ZMIZ1: variants seen among roughly 807,000 people sequenced by gnomAD.
ZMIZ1 encodes zinc finger MIZ-type containing 1.
ZMIZ1 carries 17 observed loss-of-function variants against 113.9 expected under a neutral mutation model. The ratio of observed to expected loss-of-function variants is 0.15; its 90% CI spans 0.10 to 0.22. The LOEUF is 0.22. ZMIZ1 is among the 10% of genes least tolerant of loss of function. ZMIZ1 has a pLI of 1.00. For synonymous variants in ZMIZ1, 607 were observed against 603.1 expected (o/e 1.01, Z -0.09); for missense variants, 1,059 against 1,477.8 (o/e 0.72, Z 4.65).
In ZMIZ1 at chr10:79,305,208, G is replaced by A; in HGVS notation, c.2331G>A (p.Gly777=). 3.7e-6 allele frequency: 6 copies of A among 1,614,158 alleles called. No homozygotes were observed. Among genetic ancestry groups the A allele is most frequent in the Non-Finnish European group, 5.1e-6 (6 of 1,180,022 alleles). ...ACCTGCAGCTGAATTGCGAGAGAGGGACCTGGAGGTGTCCTGTGTGCAAGT... is the reference window on the plus strand; with the variant it reads ...ACCTGCAGCTGAATTGCGAGAGAGGAACCTGGAGGTGTCCTGTGTGCAAGT... The part of the protein sequence containing the change: ...ESYLQLNCER[G]TWRCPVCNKT... Residue 777 remains glycine, a synonymous_variant, in exon 20 of 25, where the codon GGG becomes GGA. Coordinates refer to ENST00000334512, the MANE Select transcript of ZMIZ1 (RefSeq NM_020338.4).
intron 4 of ZMIZ1, among the ~76,000 whole-genome samples, chr10:79,194,867 G>A (rs1320384192): frequency 6.6e-6 from 1 of 152,220 alleles, no homozygotes; most frequent in Non-Finnish European, 1.5e-5. Context: ...GCTCTGCTGG[G>A]TGGTGAGAAG....
rs955807066 is a variant in ZMIZ1 at position 79,312,765 on chromosome 10, G to A, written c.*16G>A. 2 of 1,611,700 alleles carry A rather than the reference G, an allele frequency of 1.2e-6. No individual in the cohort carries two copies. Among genetic ancestry groups the A allele is most frequent in the East Asian group, 4.5e-5 (2 of 44,870 alleles). On this transcript the variant is annotated 3_prime_UTR_variant, in exon 25 of 25. Coordinates refer to ENST00000334512, the MANE Select transcript of ZMIZ1 (RefSeq NM_020338.4). Reference sequence around the variant, plus strand: ...GAACAACTGAGGGCCACCCGGTCGGGGCCATCCCTCCACACTCTGCATCCT... The same window carrying A: ...GAACAACTGAGGGCCACCCGGTCGGAGCCATCCCTCCACACTCTGCATCCT...
At chr10:79,291,292 C>A in intron 10 of ZMIZ1, 116 bp downstream of exon 10, 1 of 1,282,588 alleles carries the variant, frequency 7.8e-7, no homozygotes, top group Non-Finnish European at 1.0e-6. Flanking sequence ...AAGTTATCCT[C>A]TGTTGTTACA....
intron 12 of ZMIZ1, chr10:79,294,948 G>GTT (rs1242127668): frequency 6.9e-6 from 1 of 145,880 alleles, no homozygotes; most frequent in Non-Finnish European, 1.5e-5. Flanking sequence ...AGAGAGGGGG[G>GTT]GGGGTCAGGG....
chr10:79,200,055 T>C (rs1359425813), intron 4 of ZMIZ1, among the ~76,000 whole-genome samples: 1 of 152,072 alleles, frequency 6.6e-6, no homozygotes, highest in Non-Finnish European at 1.5e-5. Flanking sequence ...ATCCTGGCCT[T>C]AGAGAGTGTG....
intron 2 of ZMIZ1, among the ~76,000 whole-genome samples, chr10:79,124,820 AT>A (rs2132346268): frequency 6.6e-6 from 1 of 152,274 alleles, no homozygotes; most frequent in South Asian, 2.1e-4. Context: ...GGGGAGGAAG[AT>A]TCATTCAGCC....
intron 7 of ZMIZ1, among the ~76,000 whole-genome samples, chr10:79,256,831 A>G (rs895922502): frequency 6.6e-6 from 1 of 152,188 alleles, no homozygotes; most frequent in Non-Finnish European, 1.5e-5. Context: ...GGCATGCCCC[A>G]TCTGATCCTC....
At chr10:79,166,217 G>A (rs1218626225) in intron 4 of ZMIZ1, among the ~76,000 whole-genome samples, 4 of 152,116 alleles carry the variant, frequency 2.6e-5, no homozygotes, top group Non-Finnish European at 5.9e-5. Context: ...CTCCTTCTCA[G>A]GGCCACTCCT....
At chr10:79,234,413 C>T (rs1305373376) in intron 7 of ZMIZ1, among the ~76,000 whole-genome samples, 1 of 152,068 alleles carries the variant, frequency 6.6e-6, no homozygotes, top group Non-Finnish European at 1.5e-5. Context: ...AGCACCTTTC[C>T]CAGGGAAAAG....
intron 1 of ZMIZ1, among the ~76,000 whole-genome samples, chr10:79,076,658 A>G (rs1842485270): frequency 6.6e-6 from 1 of 152,118 alleles, no homozygotes; most frequent in Admixed American, 6.5e-5. Context: ...AAGTAGTGAA[A>G]CCGCATCTCT....
At chr10:79,218,603 G>GTGTGTGTGTGTGTGTGTGTGTC (rs1554818334) in intron 7 of ZMIZ1, among the ~76,000 whole-genome samples, 1 of 151,730 alleles carries the variant, frequency 6.6e-6, no homozygotes, top group African/African-American at 2.4e-5. Context: ...GTGTGTGTGT[G>GTGTGTGTGTGTGTGTGTGTGTC]TGTCTGTCTG....
At chr10:79,158,752 A>G (rs1030005779) in intron 3 of ZMIZ1, among the ~76,000 whole-genome samples, 2 of 152,178 alleles carry the variant, frequency 1.3e-5, no homozygotes, top group African/African-American at 2.4e-5. Context: ...GGGAAGGTAG[A>G]TATGATGGGG....
intron 2 of ZMIZ1, among the ~76,000 whole-genome samples, chr10:79,122,608 C>G (rs771682087): frequency 2.3e-4 from 35 of 152,198 alleles, no homozygotes; most frequent in Admixed American, 3.9e-4. Context: ...CCCTTCCAAC[C>G]TTTACTCTGT....
At chr10:79,202,189 G>GAAAAAAAAAAAA (rs58021590) in intron 5 of ZMIZ1, among the ~76,000 whole-genome samples, 51 of 52,588 alleles carry the variant, frequency 9.7e-4, no homozygotes, top group South Asian at 1.9e-3. Flanking sequence ...CCCTGTCTCA[G>GAAAAAAAAAAAA]AAAAAAAAAA....
In ZMIZ1 at chr10:79,207,484, A is replaced by C. The variant is rs572486073; in HGVS notation, c.61-852A>C. On this transcript the variant is annotated intron_variant, in intron 5 of 24. Transcript: ENST00000334512. Reference sequence around the variant, plus strand: ...GAGACGGATAAGAGTGAAGGGGGGCATGGGAACCACCCCTTTGCTTTGCAC... The same window carrying C: ...GAGACGGATAAGAGTGAAGGGGGGCCTGGGAACCACCCCTTTGCTTTGCAC... Among the ~76,000 whole-genome samples the C allele has an allele frequency of 1.1e-3, 162 of 152,310 alleles. 1 individual carries two copies. The highest frequency in any genetic ancestry group is 1.4e-3 in the Admixed American group (22 of 15,310).
chr10:79,276,959 C>T (rs576348349), intron 7 of ZMIZ1, among the ~76,000 whole-genome samples: 13 of 152,316 alleles, frequency 8.5e-5, no homozygotes, highest in African/African-American at 3.1e-4. Context: ...ACCCCCTCTT[C>T]ATGACAGAAA....
intron 1 of ZMIZ1, among the ~76,000 whole-genome samples, chr10:79,104,476 T>C (rs1474638235): frequency 5.3e-5 from 8 of 152,202 alleles, no homozygotes; most frequent in African/African-American, 1.7e-4. Context: ...CTCAGTTTTG[T>C]CATCTGCAAA....
At chr10:79,291,782 G>A (rs553511305) in intron 10 of ZMIZ1, among the ~76,000 whole-genome samples, 1 of 152,340 alleles carries the variant, frequency 6.6e-6, no homozygotes, top group Non-Finnish European at 1.5e-5. Context: ...CTGGCCTGGG[G>A]TTGGCACAGC....
At chr10:79,277,115 G>C (rs200462755) in intron 7 of ZMIZ1, 66 bp from the exon 8 acceptor site, 12 of 1,446,048 alleles carry the variant, frequency 8.3e-6, no homozygotes, top group Admixed American at 5.5e-5. Context: ...GGAGAGTTGG[G>C]GGGGGGTCTT....
Sources: allele counts gnomAD v4.1 joint callset (sites outside exome capture counted in the v4.1 genomes callset), GRCh38; gene constraint gnomAD v4.1.1; transcripts MANE v1.5; gene names NCBI Gene and HGNC (gene_info 2026-07-23, HGNC 2026-07-21).